CCDC178: variants seen among roughly 807,000 people sequenced by gnomAD.
The protein encoded by CCDC178 is coiled-coil domain containing 178.
A neutral mutation model predicts 117.4 loss-of-function variants in CCDC178; 126 were observed. The observed-to-expected ratio is 1.07, with a 90% CI of 0.93 to 1.24. The LOEUF is 1.24. Ranked by LOEUF, CCDC178 falls within the 50% of genes most tolerant of loss-of-function variation. The pLI is 0.00. For missense variants in CCDC178, 1,030 were observed against 986.9 expected, an observed-to-expected ratio of 1.04 and a Z score of -0.59; for synonymous variants, 283 against 313.4, an observed-to-expected ratio of 0.90 and a Z score of 1.02.
At chr18:33,223,044 T>C (rs2059256814) in intron 18 of CCDC178, 62 bp downstream of exon 18, 2 of 1,228,758 alleles carry the variant, frequency 1.6e-6, no homozygotes, top group Admixed American at 4.6e-5. Flanking sequence ...CTTGCTTGAA[T>C]AGTTTTCACT....
chr18:33,149,406 G>A (rs1426774972), intron 20 of CCDC178, among the ~76,000 whole-genome samples: 1 of 152,116 alleles, frequency 6.6e-6, no homozygotes, highest in African/African-American at 2.4e-5. Context: ...GGAGCTATGT[G>A]AACAAAAAAC....
intron 20 of CCDC178, among the ~76,000 whole-genome samples, chr18:33,197,927 T>C (rs2058950638): frequency 6.6e-6 from 1 of 152,226 alleles, no homozygotes; most frequent in Non-Finnish European, 1.5e-5. Flanking sequence ...CACTGTACAA[T>C]AGTTTATATA....
rs1187083271 is a variant in CCDC178 at position 33,346,360 on chromosome 18, G to A, written c.509C>T (p.Ala170Val). Residue 170 changes from alanine (A) to valine (V), a missense_variant, in exon 9 of 23, where the codon GCC becomes GTC. Ala to Val is a moderately conservative substitution (Grantham distance 64). Coordinates refer to ENST00000383096, the MANE Select transcript of CCDC178 (RefSeq NM_001105528.4). ...KQEMETLLSEAIRLIKSLETD... is the reference protein window; with the variant it reads ...KQEMETLLSEVIRLIKSLETD... Reference sequence around the variant, plus strand: ...TTCTAGACTTTTAATGAGACGAATGGCCTCTGAGAGCAATGTTTCCATTTC... The same window carrying A: ...TTCTAGACTTTTAATGAGACGAATGACCTCTGAGAGCAATGTTTCCATTTC... 6.2e-7 allele frequency: 1 copy of A among 1,613,374 alleles called. No individual in the cohort carries two copies. The highest frequency in any genetic ancestry group is 1.7e-5 in the Admixed American group (1 of 60,002).
chr18:33,371,433 G>A (rs144480553), intron 5 of CCDC178, among the ~76,000 whole-genome samples: 35 of 151,894 alleles, frequency 2.3e-4, no homozygotes, highest in African/African-American at 8.4e-4. Context: ...TGATTTCATA[G>A]ATGAGGAAAT....
chr18:33,337,367 C>T (rs1318640505), intron 9 of CCDC178, among the ~76,000 whole-genome samples: 14 of 152,100 alleles, frequency 9.2e-5, no homozygotes, highest in Non-Finnish European at 1.5e-4. Flanking sequence ...AGCAGTTTGA[C>T]TTCCTCTTTA....
At chr18:33,435,946 C>A (rs1489570203) in intron 2 of CCDC178, among the ~76,000 whole-genome samples, 1 of 151,854 alleles carries the variant, frequency 6.6e-6, no homozygotes, top group African/African-American at 2.4e-5. Context: ...ACTGAAACTT[C>A]ACATATGGGT....
At chr18:33,210,376 G>C (rs2059093775) in intron 20 of CCDC178, among the ~76,000 whole-genome samples, 1 of 151,932 alleles carries the variant, frequency 6.6e-6, no homozygotes, top group Admixed American at 6.6e-5. Context: ...GAAAGGCAGG[G>C]ACAGGCTTTT....
At chr18:33,424,774 A>C (rs2064093736) in intron 2 of CCDC178, among the ~76,000 whole-genome samples, 2 of 152,186 alleles carry the variant, frequency 1.3e-5, no homozygotes, top group African/African-American at 4.8e-5. Flanking sequence ...AGAATAGGAC[A>C]GTGTGAGAAA....
intron 2 of CCDC178, among the ~76,000 whole-genome samples, chr18:33,434,218 A>C (rs1050706165): frequency 1.3e-5 from 2 of 152,156 alleles, no homozygotes; most frequent in African/African-American, 4.8e-5. Context: ...CCCACTAAGA[A>C]ATCTGTGTTT....
intron 21 of CCDC178, among the ~76,000 whole-genome samples, chr18:33,045,436 A>T (rs1311515740): frequency 6.6e-6 from 1 of 152,112 alleles, no homozygotes; most frequent in Non-Finnish European, 1.5e-5. Context: ...TGCTTAATAG[A>T]TATTTGCTAA....
chr18:33,083,062 A>G (rs556823005), intron 21 of CCDC178, among the ~76,000 whole-genome samples: 2 of 152,340 alleles, frequency 1.3e-5, no homozygotes, highest in East Asian at 3.9e-4. Flanking sequence ...TGTAACTGAA[A>G]TACATGTAGA....
chr18:33,312,890 C>G (rs2062361972), intron 11 of CCDC178, among the ~76,000 whole-genome samples: 2 of 152,192 alleles, frequency 1.3e-5, no homozygotes, highest in African/African-American at 4.8e-5. Context: ...CTCACAACCA[C>G]TTAGGGGTGA....
chr18:33,047,644 T>C (rs909332848), intron 21 of CCDC178, among the ~76,000 whole-genome samples: 2 of 152,130 alleles, frequency 1.3e-5, no homozygotes. Flanking sequence ...GATCTTCATG[T>C]CCCTTTGTAA....
At chr18:33,236,507 C>T (rs79909162) in intron 15 of CCDC178, among the ~76,000 whole-genome samples, 1 of 152,136 alleles carries the variant, frequency 6.6e-6, no homozygotes, top group Non-Finnish European at 1.5e-5. Context: ...TTAAGTGGAC[C>T]AGTTTCTTTC....
chr18:33,064,802 T>C (rs1481497623), intron 21 of CCDC178, among the ~76,000 whole-genome samples: 2 of 152,078 alleles, frequency 1.3e-5, no homozygotes, highest in African/African-American at 4.8e-5. Flanking sequence ...AGCCAAAATA[T>C]GGAGTTATCT....
At chr18:33,333,153 C>T in intron 10 of CCDC178, 21 bp downstream of exon 10, 2 of 1,383,758 alleles carry the variant, frequency 1.4e-6, no homozygotes, top group Non-Finnish European at 1.0e-6. Context: ...TTATGAAATG[C>T]TCATGCATTC....
At chr18:33,024,809 ATTT>A (rs34250187) in intron 21 of CCDC178, among the ~76,000 whole-genome samples, 6,463 of 139,446 alleles carry the variant, frequency 0.046, 267 homozygotes, top group African/African-American at 0.11. Flanking sequence ...ATGCTCAGCT[ATTT>A]TTTTTTTTTT....
Position 33,328,082 on chromosome 18 carries a change from GATTTTTTTTTTTTTTT to G in CCDC178, c.880-4465_880-4450del, listed in dbSNP as rs1359761494. ...CCAAGGTCATAAAGATTTATCCCTA[GATTTTTTTTTTTTTTT>G]TTTTTTTTTTTTTTTTTTTTTTGAG... On this transcript the variant is annotated intron_variant, in intron 10 of 22. Transcript: ENST00000383096. 23 of 249,092 alleles carry G rather than the reference GATTTTTTTTTTTTTTT, an allele frequency of 9.2e-5. 2 individuals carry two copies. Among genetic ancestry groups the G allele is most frequent in the African/African-American group, 3.3e-4 (10 of 30,430 alleles). The allele number at this position is 249,092 out of a possible 1,614,324, so 15.4% of individuals were successfully genotyped here.
At chr18:33,439,117 G>A (rs1599323443) in intron 2 of CCDC178, among the ~76,000 whole-genome samples, 1 of 152,208 alleles carries the variant, frequency 6.6e-6, no homozygotes, top group South Asian at 2.1e-4. Context: ...CTTTATAGGT[G>A]CAAGTTTGGG....
Sources: allele counts gnomAD v4.1 joint callset (sites outside exome capture counted in the v4.1 genomes callset), GRCh38; gene constraint gnomAD v4.1.1; transcripts MANE v1.5; gene names NCBI Gene and HGNC (gene_info 2026-07-23, HGNC 2026-07-21).